The following C8orf34 variants were observed in gnomAD, a reference collection of about 807,000 sequenced individuals.
The protein encoded by C8orf34 is uncharacterized protein C8orf34.
In C8orf34, 65 loss-of-function variants were observed where a neutral mutation model predicts 68.3. The ratio of observed to expected loss-of-function variants is 0.95; its 90% CI spans 0.78 to 1.17. The LOEUF is 1.17. Ranked by LOEUF, C8orf34 falls within the 50% of genes most tolerant of loss-of-function variation. The pLI, the probability that C8orf34 is intolerant of heterozygous loss-of-function variation, is 0.00. For synonymous variants in C8orf34, 244 were observed against 241.2 expected, an observed-to-expected ratio of 1.01 and a Z score of -0.11; for missense variants, 664 against 655.4, an observed-to-expected ratio of 1.01 and a Z score of -0.14.
In C8orf34 at chr8:68,645,222, C is replaced by A. The variant is rs144137872; in HGVS notation, c.1241+4711C>A. ...AAAAGCTGGGTTTTTAGCTGTGAAA[C>A]GGAGTTCATATCGCCTTGGAGATAA... On this transcript the variant is annotated intron_variant, in intron 8 of 13. Coordinates refer to ENST00000518698, the MANE Select transcript of C8orf34 (RefSeq NM_052958.4). Among the ~76,000 whole-genome samples, 1,251 of 152,140 alleles carry A rather than the reference C, an allele frequency of 8.2e-3. 15 individuals carry two copies. The highest frequency in any genetic ancestry group is 0.029 in the African/African-American group (1,198 of 41,514).
chr8:68,697,463 C>T lies in C8orf34; in HGVS notation c.1242-11531C>T, dbSNP rs542476393. Reference sequence around the variant, plus strand: ...TTTTTCCCCTCATGTGTCTTCTCTGCGTAGAATCTTAGTGTGAGCATTCTG... The same window carrying T: ...TTTTTCCCCTCATGTGTCTTCTCTGTGTAGAATCTTAGTGTGAGCATTCTG... On this transcript the variant is annotated intron_variant, in intron 8 of 13. Coordinates refer to ENST00000518698, the MANE Select transcript of C8orf34 (RefSeq NM_052958.4). 9.9e-5 allele frequency among the ~76,000 whole-genome samples: 15 copies of T among 152,114 alleles called. No individual in the cohort carries two copies. The South Asian group carries it at 3.1e-3, about 32-fold the overall frequency.
At chr8:68,537,670 A>T (rs1210029535) in intron 7 of C8orf34, among the ~76,000 whole-genome samples, 1 of 152,052 alleles carries the variant, frequency 6.6e-6, no homozygotes, top group Non-Finnish European at 1.5e-5. Context: ...TTATCATGTT[A>T]AAAAGCTTTA....
chr8:68,615,422 G>C (rs953183120), intron 7 of C8orf34, among the ~76,000 whole-genome samples: 2 of 151,890 alleles, frequency 1.3e-5, no homozygotes, highest in African/African-American at 2.4e-5. Context: ...TATTGGCTGT[G>C]GGTTTGTCAT....
At chr8:68,346,091 A>G (rs1806270106) in intron 1 of C8orf34, among the ~76,000 whole-genome samples, 1 of 152,112 alleles carries the variant, frequency 6.6e-6, no homozygotes, top group Non-Finnish European at 1.5e-5. Context: ...GAAATAGAAT[A>G]TGTTATTTAT....
chr8:68,541,595 G>A (rs2129940213), intron 7 of C8orf34, among the ~76,000 whole-genome samples: 1 of 152,272 alleles, frequency 6.6e-6, no homozygotes, highest in Non-Finnish European at 1.5e-5. Flanking sequence ...TAAGACCATA[G>A]AAGTTTGGCC....
intron 8 of C8orf34, among the ~76,000 whole-genome samples, chr8:68,674,264 G>C (rs1330396460): frequency 6.6e-6 from 1 of 151,836 alleles, no homozygotes; most frequent in East Asian, 1.9e-4. Context: ...CAAGCATCAA[G>C]ACCATCCAGA....
intron 1 of C8orf34, among the ~76,000 whole-genome samples, chr8:68,358,749 G>T (rs1466035957): frequency 6.7e-6 from 1 of 149,388 alleles, no homozygotes; most frequent in African/African-American, 2.5e-5. Context: ...TCTGTCACTT[G>T]GGCTGGAGTG....
At position 68,818,387 on chromosome 8, in the gene C8orf34, G is replaced by T; in HGVS notation, c.*141G>T. On this transcript the variant is annotated 3_prime_UTR_variant, in exon 14 of 14. Transcript: ENST00000518698. Reference sequence around the variant, plus strand: ...ATCTCAATAATAAACAAGTACTATCGTAGCCAGGGGGTGCCCAAGTATGTA... The same window carrying T: ...ATCTCAATAATAAACAAGTACTATCTTAGCCAGGGGGTGCCCAAGTATGTA... The T allele has an allele frequency of 1.1e-6, 1 of 948,478 alleles. No homozygotes were observed. Among genetic ancestry groups the T allele is most frequent in the Admixed American group, 2.2e-5 (1 of 45,982 alleles). The allele number at this position is 948,478 out of a possible 1,614,324, so 58.8% of individuals were successfully genotyped here. A position where few individuals can be genotyped will look rare whatever the true frequency, so the allele number is the denominator to read the frequency against.
intron 1 of C8orf34, among the ~76,000 whole-genome samples, chr8:68,337,455 A>G (rs1805898876): frequency 6.6e-6 from 1 of 152,208 alleles, no homozygotes; most frequent in Non-Finnish European, 1.5e-5. Flanking sequence ...GGGTCAAGAG[A>G]GGCCTCAGAC....
intron 8 of C8orf34, among the ~76,000 whole-genome samples, chr8:68,658,808 A>G (rs773710474): frequency 3.9e-4 from 60 of 152,094 alleles, no homozygotes; most frequent in Non-Finnish European, 6.9e-4. Flanking sequence ...ATTATGTAAA[A>G]TCTTGTTTTC....
intron 8 of C8orf34, among the ~76,000 whole-genome samples, chr8:68,679,733 C>A (rs1820309068): frequency 6.6e-6 from 1 of 152,076 alleles, no homozygotes; most frequent in Non-Finnish European, 1.5e-5. Flanking sequence ...AAAACAGACA[C>A]ATAGACCAAT....
At chr8:68,552,204 T>C (rs1170468638) in intron 7 of C8orf34, among the ~76,000 whole-genome samples, 1 of 152,194 alleles carries the variant, frequency 6.6e-6, no homozygotes, top group Non-Finnish European at 1.5e-5. Flanking sequence ...CTTGCATTTC[T>C]ATCTAAATTT....
chr8:68,601,286 T>C (rs996925173), intron 7 of C8orf34, among the ~76,000 whole-genome samples: 1 of 152,150 alleles, frequency 6.6e-6, no homozygotes, highest in Non-Finnish European at 1.5e-5. Context: ...CATAGGTTTA[T>C]GTTTCTCAAG....
At chr8:68,581,712 G>A (rs1471086338) in intron 7 of C8orf34, among the ~76,000 whole-genome samples, 3 of 152,122 alleles carry the variant, frequency 2.0e-5, no homozygotes. Context: ...CGGTCCCAAA[G>A]CTGGTCGCAG....
chr8:68,777,154 C>T (rs576211511), intron 11 of C8orf34, among the ~76,000 whole-genome samples: 1 of 152,324 alleles, frequency 6.6e-6, no homozygotes, highest in Non-Finnish European at 1.5e-5. Context: ...TAAGAACCGC[C>T]TAAAAGGATT....
chr8:68,535,816 A>T (rs1453840888), intron 7 of C8orf34: 2 of 971,546 alleles, frequency 2.1e-6, no homozygotes, highest in African/African-American at 3.5e-5. Context: ...ATAATAAAAC[A>T]GCCAAACTTG....
At chr8:68,531,090 A>G (rs1815224941) in intron 6 of C8orf34, among the ~76,000 whole-genome samples, 1 of 152,100 alleles carries the variant, frequency 6.6e-6, no homozygotes, top group Non-Finnish European at 1.5e-5. Flanking sequence ...CCATCTGAAA[A>G]TAAATTACAG....
intron 1 of C8orf34, among the ~76,000 whole-genome samples, chr8:68,417,555 A>G (rs1468569735): frequency 6.6e-6 from 1 of 152,166 alleles, no homozygotes; most frequent in East Asian, 1.9e-4. Context: ...TTTTATGAAA[A>G]CGAGAGGAGA....
chr8:68,449,890 C>A lies in C8orf34; in HGVS notation c.607+3430C>A, dbSNP rs565345720. Reference sequence around the variant, plus strand: ...AATGGACTCATGGAGCCAATAGACTCTTCTTTTCATGAAAAAGTTATTCAT... The same window carrying A: ...AATGGACTCATGGAGCCAATAGACTATTCTTTTCATGAAAAAGTTATTCAT... On this transcript the variant is annotated intron_variant, in intron 3 of 13. Coordinates refer to ENST00000518698, the MANE Select transcript of C8orf34 (RefSeq NM_052958.4). Among the ~76,000 whole-genome samples, 3 of 152,186 alleles carry A rather than the reference C, an allele frequency of 2.0e-5. No individual in the cohort carries two copies. The South Asian group carries it at 6.2e-4, about 32-fold the overall frequency.
Sources: gnomAD v4.1 joint callset for allele counts (sites outside exome capture counted in the v4.1 genomes callset) on GRCh38, gnomAD v4.1.1 for gene constraint, MANE v1.5 for transcripts, NCBI Gene and HGNC (gene_info 2026-07-23, HGNC 2026-07-21) for gene names.